PGD: variants seen among roughly 807,000 people sequenced by gnomAD.
The protein encoded by PGD is 6-phosphogluconate dehydrogenase, decarboxylating.
In PGD, 21 loss-of-function variants were observed where a neutral mutation model predicts 60.4. The ratio of observed to expected loss-of-function variants is 0.35; its 90% CI spans 0.25 to 0.50. The LOEUF is 0.50. PGD is among the 20% of genes least tolerant of loss of function. The pLI, the probability that PGD is intolerant of heterozygous loss-of-function variation, is 0.98. For synonymous variants in PGD, 230 were observed against 235.9 expected (o/e 0.97, Z 0.23); for missense variants, 477 against 613.1 (o/e 0.78, Z 2.34).
In PGD at chr1:10,400,828, G is replaced by T. The variant is rs1639303841; in HGVS notation, c.264+256G>T. On this transcript the variant is annotated intron_variant, in intron 3 of 12. Coordinates refer to ENST00000270776, the MANE Select transcript of PGD (RefSeq NM_002631.4). ...ATTAAGGCGGGGCACAGTGGCTCAGGCCTGTAATCCCAGCACTTTTTGGGA... is the reference window on the plus strand; with the variant it reads ...ATTAAGGCGGGGCACAGTGGCTCAGTCCTGTAATCCCAGCACTTTTTGGGA... Among the ~76,000 whole-genome samples the T allele has an allele frequency of 1.3e-5, 2 of 152,146 alleles. 1 individual carries two copies. The highest frequency in any genetic ancestry group is 4.1e-4 in the South Asian group (2 of 4,826).
intron 5 of PGD, among the ~76,000 whole-genome samples, chr1:10,406,325 G>T (rs1639403697): frequency 6.6e-6 from 1 of 151,728 alleles, no homozygotes; most frequent in African/African-American, 2.4e-5. Flanking sequence ...TGAGGTGAGA[G>T]AACTGCTTGA....
At chr1:10,400,673 A>G in intron 3 of PGD, 101 bp downstream of exon 3, 12 of 856,664 alleles carry the variant, frequency 1.4e-5, no homozygotes, top group Non-Finnish European at 2.1e-5. Flanking sequence ...TTTTTTTTCA[A>G]TTTCTGCTAA....
At chr1:10,408,217 A>G in intron 6 of PGD, 77 bp downstream of exon 6, 1 of 838,868 alleles carries the variant, frequency 1.2e-6, no homozygotes. Flanking sequence ...GAGAAAGGCC[A>G]CCGTGGTCTC....
At chr1:10,412,291 C>T (rs1401553743) in intron 7 of PGD, among the ~76,000 whole-genome samples, 2 of 152,204 alleles carry the variant, frequency 1.3e-5, no homozygotes, top group East Asian at 1.9e-4. Flanking sequence ...TTTGCTGATG[C>T]GCTTTCTAGT....
chr1:10,418,773 CAA>C (rs370777082), intron 10 of PGD, 51 bp from the exon 11 acceptor site: 21,001 of 763,054 alleles, frequency 0.028, no homozygotes, highest in South Asian at 0.035. Context: ...GACTCCGTCT[CAA>C]AAAAAAAAAA....
Position 10,403,071 on chromosome 1 carries a change from G to A in PGD, c.265G>A (p.Val89Ile). ...TCTTAATGCTGGTGTCTGGTTACAG[G>A]TACCATTGTTGGATACTGGTGACAT... ...QAVDDFIEKL[V>I]PLLDTGDIII... The change falls in exon 4 of 13, where the codon GTA (valine) becomes ATA (isoleucine). Residue 89 changes from valine (V) to isoleucine (I), a missense_variant and splice_region_variant. Around this residue, in one of 3 missense-constraint regions of PGD, gnomAD observed 431 missense variants for 556.6 expected, o/e 0.77. Coordinates refer to ENST00000270776, the MANE Select transcript of PGD (RefSeq NM_002631.4). 2.5e-6 allele frequency: 4 copies of A among 1,602,236 alleles called. No homozygotes were observed. Among genetic ancestry groups the A allele is most frequent in the Non-Finnish European group, 2.6e-6 (3 of 1,169,336 alleles).
intron 5 of PGD, among the ~76,000 whole-genome samples, chr1:10,405,147 G>C (rs1029765999): frequency 1.3e-5 from 2 of 151,896 alleles, no homozygotes; most frequent in African/African-American, 4.8e-5. Flanking sequence ...GGCTGAGGCA[G>C]GCAGATCACC....
At chr1:10,408,197 G>T in intron 6 of PGD, 57 bp downstream of exon 6, 1 of 984,258 alleles carries the variant, frequency 1.0e-6, no homozygotes, top group Non-Finnish European at 1.7e-6. Context: ...TCTAAGTGAT[G>T]AAGTGCGTGG....
Position 10,400,416 on chromosome 1 carries a change from C to T in PGD, c.108C>T (p.Val36=). The change falls in exon 3 of 13, where the codon GTC becomes GTT. Residue 36 remains valine (V), a synonymous_variant. Transcript: ENST00000270776. The part of the protein sequence containing the change: ...GFVVCAFNRT[V]SKVDDFLANE... ...AGGTCTGTGCTTTTAATAGGACTGT[C>T]TCCAAAGTTGATGATTTCTTGGCCA... The T allele has an allele frequency of 6.2e-7, 1 of 1,613,720 alleles. No homozygotes were observed. The highest frequency in any genetic ancestry group is 8.5e-7 in the Non-Finnish European group (1 of 1,179,720).
At chr1:10,402,132 C>T (rs762265080) in intron 3 of PGD, among the ~76,000 whole-genome samples, 20 of 152,098 alleles carry the variant, frequency 1.3e-4, no homozygotes, top group Admixed American at 8.5e-4. Flanking sequence ...TCCTGACCTC[C>T]GAACTGTTGT....
intron 5 of PGD, among the ~76,000 whole-genome samples, chr1:10,406,598 G>A (rs1054053464): frequency 6.6e-6 from 1 of 152,172 alleles, no homozygotes; most frequent in Admixed American, 6.6e-5. Flanking sequence ...GAAGCTCTGC[G>A]GTTTCCGGTG....
chr1:10,412,665 C>G (rs577779521), intron 7 of PGD, among the ~76,000 whole-genome samples: 5 of 152,252 alleles, frequency 3.3e-5, no homozygotes, highest in Admixed American at 3.3e-4. Flanking sequence ...AGTGCCTGCC[C>G]TCCCGGAGCT....
intron 5 of PGD, among the ~76,000 whole-genome samples, chr1:10,405,401 T>TACACACACACAC (rs57033638): frequency 0.13 from 14,485 of 108,288 alleles, 819 homozygotes; most frequent in South Asian, 0.18. Context: ...AAACAAAAAA[T>TACACACACACAC]ACACACACAC....
chr1:10,403,699 C>T (rs2102386994), intron 4 of PGD, among the ~76,000 whole-genome samples: 1 of 151,486 alleles, frequency 6.6e-6, no homozygotes, highest in South Asian at 2.1e-4. Flanking sequence ...CGTTTTAACT[C>T]CTCCCCTTCC....
intron 5 of PGD, 150 bp from the exon 6 acceptor site, chr1:10,407,921 C>T: frequency 1.5e-6 from 1 of 651,082 alleles, no homozygotes. Context: ...TGCATTCCAG[C>T]CTGGGTGACA....
intron 3 of PGD, among the ~76,000 whole-genome samples, chr1:10,401,097 C>T (rs1248648071): frequency 2.6e-5 from 4 of 151,974 alleles, no homozygotes; most frequent in South Asian, 2.1e-4. Context: ...CCCAGTTACT[C>T]GGGAGGCTGA....
At chr1:10,409,936 G>A (rs900916442) in intron 6 of PGD, among the ~76,000 whole-genome samples, 25 of 152,070 alleles carry the variant, frequency 1.6e-4, no homozygotes, top group South Asian at 2.1e-4. Flanking sequence ...GATTATAGGC[G>A]TGAGCCACCG....
intron 6 of PGD, among the ~76,000 whole-genome samples, chr1:10,409,405 A>G (rs1569981224): frequency 6.6e-6 from 1 of 152,188 alleles, no homozygotes; most frequent in South Asian, 2.1e-4. Context: ...TAATCTTCTC[A>G]TTAGTGTGAA....
In PGD at chr1:10,399,078, CCG is replaced by C. The variant is rs771625005; in HGVS notation, c.-35_-34del. On this transcript the variant is annotated 5_prime_UTR_variant, in exon 1 of 13. Coordinates refer to ENST00000270776, the MANE Select transcript of PGD (RefSeq NM_002631.4). ...TGCGGGTCTTTCCCTCACTCGTCCTCCGCGCGTCGCCGCTCTTCGGTTCTGCT... is the reference window on the plus strand; with the variant it reads ...TGCGGGTCTTTCCCTCACTCGTCCTCCGCGTCGCCGCTCTTCGGTTCTGCT... The C allele has an allele frequency of 3.1e-6, 5 of 1,608,660 alleles. No homozygotes were observed. Among genetic ancestry groups the C allele is most frequent in the Non-Finnish European group, 4.2e-6 (5 of 1,179,516 alleles).
Sources: allele counts gnomAD v4.1 joint callset (sites outside exome capture counted in the v4.1 genomes callset), GRCh38; gene constraint gnomAD v4.1.1; regional missense constraint gnomAD v4.1.1; transcripts MANE v1.5; gene names NCBI Gene and HGNC (gene_info 2026-07-23, HGNC 2026-07-21).